Variants in KCNH7 observed in about 807,000 individuals in gnomAD.
The protein encoded by KCNH7 is voltage-gated inwardly rectifying potassium channel KCNH7.
Under a neutral mutation model 120.8 loss-of-function variants are expected in KCNH7, and 49 were observed. The ratio of observed to expected loss-of-function variants is 0.41; its 90% CI spans 0.32 to 0.51. KCNH7 has a LOEUF of 0.51. Among genes scored for constraint, KCNH7 ranks in the 20% least tolerant of loss-of-function variants. The pLI, the probability that KCNH7 is intolerant of heterozygous loss-of-function variation, is 0.38. For missense variants in KCNH7, 1,097 were observed against 1,446.6 expected (o/e 0.76, Z 3.92); for synonymous variants, 547 against 516.1 (o/e 1.06, Z -0.81).
At chr2:162,731,937 C>G (rs1443649111) in intron 2 of KCNH7, among the ~76,000 whole-genome samples, 2 of 152,112 alleles carry the variant, frequency 1.3e-5, no homozygotes, top group African/African-American at 4.8e-5. Flanking sequence ...GGCTTAGAAA[C>G]TTGAACTGTT....
At position 162,525,658 on chromosome 2, in the gene KCNH7, G is replaced by T. The variant is rs955003587; in HGVS notation, c.464-7500C>A. ...CATTTTGTAAATGTCAAATTAAAAA[G>T]TCCATTCAAGTCCTGTGAAAGTGAT... On this transcript the variant is annotated intron_variant, in intron 3 of 15. Coordinates refer to ENST00000332142, the MANE Select transcript of KCNH7 (RefSeq NM_033272.4). Among the ~76,000 whole-genome samples the T allele has an allele frequency of 2.0e-5, 3 of 151,910 alleles. No homozygotes were observed. In the East Asian group the frequency reaches 5.9e-4, roughly 30 times the overall value.
At chr2:162,634,658 G>T (rs1352715819) in intron 2 of KCNH7, among the ~76,000 whole-genome samples, 1 of 152,024 alleles carries the variant, frequency 6.6e-6, no homozygotes, top group Non-Finnish European at 1.5e-5. Context: ...CGCGGTTCCA[G>T]TGCAAGTCCA....
At chr2:162,749,564 T>C (rs1416503205) in intron 2 of KCNH7, among the ~76,000 whole-genome samples, 1 of 152,172 alleles carries the variant, frequency 6.6e-6, no homozygotes, top group Admixed American at 6.6e-5. Context: ...GGTTCAGGAA[T>C]GTAGCAATGA....
chr2:162,637,329 G>A (rs919299864), intron 2 of KCNH7, among the ~76,000 whole-genome samples: 6 of 152,176 alleles, frequency 3.9e-5, no homozygotes, highest in South Asian at 2.1e-4. Context: ...CCATGTAGGT[G>A]TCTGCTTGGC....
At chr2:162,561,021 C>T (rs902139896) in intron 2 of KCNH7, among the ~76,000 whole-genome samples, 2 of 150,648 alleles carry the variant, frequency 1.3e-5, no homozygotes, top group Non-Finnish European at 2.9e-5. Flanking sequence ...AGTTAGACAG[C>T]TTCATATTGA....
chr2:162,748,958 CCTTCCT>C (rs1688443799), intron 2 of KCNH7, among the ~76,000 whole-genome samples: 1 of 133,332 alleles, frequency 7.5e-6, no homozygotes, highest in African/African-American at 2.9e-5. Context: ...TTCCTTCCTT[CCTTCCT>C]TCCTTCCTTC....
At chr2:162,566,310 G>A (rs780540258) in intron 2 of KCNH7, among the ~76,000 whole-genome samples, 5 of 151,974 alleles carry the variant, frequency 3.3e-5, no homozygotes, top group African/African-American at 9.7e-5. Flanking sequence ...AAGCATGGTC[G>A]CTTTTCAATC....
intron 2 of KCNH7, among the ~76,000 whole-genome samples, chr2:162,826,282 G>A (rs925477340): frequency 1.3e-5 from 2 of 152,062 alleles, no homozygotes; most frequent in Admixed American, 6.6e-5. Flanking sequence ...GGAGATCCAG[G>A]GAGGGCTGGG....
chr2:162,617,665 T>C (rs563323095), intron 2 of KCNH7, among the ~76,000 whole-genome samples: 4 of 152,078 alleles, frequency 2.6e-5, no homozygotes, highest in Non-Finnish European at 5.9e-5. Context: ...AACACAGAAA[T>C]TGTTTGGAGA....
At chr2:162,405,637 G>A (rs1331376411) in intron 9 of KCNH7, among the ~76,000 whole-genome samples, 1 of 151,866 alleles carries the variant, frequency 6.6e-6, no homozygotes, top group Non-Finnish European at 1.5e-5. Context: ...TTCTTGTGCC[G>A]AGTAATGAAT....
At chr2:162,502,799 T>C (rs186544202) in intron 6 of KCNH7, among the ~76,000 whole-genome samples, 11 of 152,070 alleles carry the variant, frequency 7.2e-5, no homozygotes, top group Admixed American at 2.0e-4. Context: ...CCTGGCACAG[T>C]GGATCTGCTG....
chr2:162,511,480 CAA>C (rs34204046), intron 5 of KCNH7, among the ~76,000 whole-genome samples: 48,545 of 97,320 alleles, frequency 0.5, 10,059 homozygotes, highest in East Asian at 0.91. Context: ...GTGGACAGGT[CAA>C]AAAAAAAAAA....
intron 5 of KCNH7, among the ~76,000 whole-genome samples, chr2:162,505,914 A>G (rs920681741): frequency 2.6e-5 from 4 of 151,900 alleles, no homozygotes; most frequent in Non-Finnish European, 4.4e-5. Context: ...ACAATAATCA[A>G]TCAACTTGGG....
intron 6 of KCNH7, among the ~76,000 whole-genome samples, chr2:162,468,449 TG>T (rs1689380878): frequency 1.3e-5 from 2 of 151,886 alleles, no homozygotes; most frequent in African/African-American, 2.4e-5. Flanking sequence ...CAAAATATCT[TG>T]GCAGAAGAAT....
At chr2:162,670,126 T>C (rs759802137) in intron 2 of KCNH7, among the ~76,000 whole-genome samples, 9 of 145,848 alleles carry the variant, frequency 6.2e-5, no homozygotes, top group Non-Finnish European at 1.4e-4. Flanking sequence ...AAGAAGAAAA[T>C]TGACTCCCAA....
chr2:162,678,471 A>G (rs1359844621), intron 2 of KCNH7, among the ~76,000 whole-genome samples: 1 of 151,414 alleles, frequency 6.6e-6, no homozygotes, highest in Non-Finnish European at 1.5e-5. Context: ...TCTAATAAAA[A>G]TCTCCTCATG....
intron 2 of KCNH7, among the ~76,000 whole-genome samples, chr2:162,683,080 A>G (rs115181146): frequency 0.015 from 2,289 of 151,998 alleles, 54 homozygotes; most frequent in African/African-American, 0.051. Flanking sequence ...AATTTCAAGC[A>G]TTGTAGCAAA....
intron 15 of KCNH7, among the ~76,000 whole-genome samples, chr2:162,372,341 TA>T (rs1245146218): frequency 6.6e-6 from 1 of 152,058 alleles, no homozygotes; most frequent in African/African-American, 2.4e-5. Flanking sequence ...AAATCAGATT[TA>T]AAAAAATATA....
chr2:162,606,998 T>A (rs1682795330), intron 2 of KCNH7, among the ~76,000 whole-genome samples: 3 of 152,076 alleles, frequency 2.0e-5, no homozygotes, highest in Non-Finnish European at 2.9e-5. Flanking sequence ...GCATACATAT[T>A]GACTTGGACT....
Sources: allele counts gnomAD v4.1 joint callset (sites outside exome capture counted in the v4.1 genomes callset), GRCh38; gene constraint gnomAD v4.1.1; transcripts MANE v1.5; gene names NCBI Gene and HGNC (gene_info 2026-07-23, HGNC 2026-07-21).